PAK1: variants seen among roughly 807,000 people sequenced by gnomAD.
PAK1 encodes p21 (RAC1) activated kinase 1, also known as serine/threonine-protein kinase PAK 1.
In PAK1, 29 loss-of-function variants were observed where a neutral mutation model predicts 67.4. The ratio of observed to expected loss-of-function variants is 0.43; its 90% CI spans 0.32 to 0.59. The LOEUF is 0.59. Ranked by LOEUF, PAK1 falls within the 20% of genes least tolerant of loss-of-function variation. The probability of loss-of-function intolerance (pLI) is 0.07; values close to 1 mark genes in which losing one functional copy is unlikely to be tolerated. For synonymous variants in PAK1, 223 were observed against 237.4 expected, an observed-to-expected ratio of 0.94 and a Z score of 0.56; for missense variants, 337 against 670.7, an observed-to-expected ratio of 0.50 and a Z score of 5.50.
At chr11:77,331,720 G>A (rs1941572309) in intron 14 of PAK1, among the ~76,000 whole-genome samples, 1 of 150,908 alleles carries the variant, frequency 6.6e-6, no homozygotes, top group South Asian at 2.1e-4. Flanking sequence ...CACCAACATG[G>A]TACATGTATA....
the PAK1 span, among the ~76,000 whole-genome samples, chr11:77,513,398 G>A: frequency 6.6e-6 from 1 of 152,136 alleles, no homozygotes; most frequent in Non-Finnish European, 1.5e-5. Context: ...GCCAGGCATG[G>A]TGGCTCATGC....
intron 1 of PAK1, among the ~76,000 whole-genome samples, chr11:77,400,152 A>G (rs577558064): frequency 4.7e-4 from 71 of 152,290 alleles, no homozygotes; most frequent in Non-Finnish European, 9.1e-4. Context: ...GGCCCAAAGA[A>G]AAGAGACAAA....
Position 77,452,103 on chromosome 11 carries a change from G to A in PAK1, c.-22+21449C>T, listed in dbSNP as rs536471449. Among the ~76,000 whole-genome samples, 13 of 152,274 alleles carry A rather than the reference G, an allele frequency of 8.5e-5. No homozygotes were observed. In the South Asian group the frequency reaches 2.3e-3, roughly 27 times the overall value. On this transcript the variant is annotated intron_variant, in intron 1 of 14. Transcript: ENST00000356341. ...AAAATCACACAGTTAATAAGTGATGGAGCTAAAAATTCATAAGTAAATTGG... is the reference window on the plus strand; with the variant it reads ...AAAATCACACAGTTAATAAGTGATGAAGCTAAAAATTCATAAGTAAATTGG...
chr11:77,327,373 G>A (rs1425513771), intron 14 of PAK1, among the ~76,000 whole-genome samples: 1 of 152,208 alleles, frequency 6.6e-6, no homozygotes, highest in East Asian at 1.9e-4. Context: ...AATGTTAAGG[G>A]CAGCCAGAGA....
intron 1 of PAK1, among the ~76,000 whole-genome samples, chr11:77,409,723 T>G (rs1954216978): frequency 6.6e-6 from 1 of 151,872 alleles, no homozygotes. Flanking sequence ...CACTCATATG[T>G]AGGAGGTAAA....
At chr11:77,366,605 C>A (rs1243122598) in intron 5 of PAK1, among the ~76,000 whole-genome samples, 1 of 152,158 alleles carries the variant, frequency 6.6e-6, no homozygotes, top group African/African-American at 2.4e-5. Flanking sequence ...AAAAGATGCT[C>A]AACATCATTA....
intron 9 of PAK1, chr11:77,346,905 A>G (rs1470431346): frequency 9.6e-6 from 4 of 415,782 alleles, no homozygotes; most frequent in Non-Finnish European, 1.9e-5. Context: ...CATTCTCTCT[A>G]AAAACACACT....
chr11:77,329,702 C>G (rs980646293), intron 14 of PAK1, among the ~76,000 whole-genome samples: 2 of 151,876 alleles, frequency 1.3e-5, no homozygotes, highest in African/African-American at 4.8e-5. Flanking sequence ...AAACTGGAAG[C>G]ATTCCCTTTG....
the PAK1 span, among the ~76,000 whole-genome samples, chr11:77,519,281 A>G: frequency 6.6e-6 from 1 of 152,014 alleles, no homozygotes; most frequent in Non-Finnish European, 1.5e-5. Flanking sequence ...TTTTCATGCT[A>G]TTGATTTGTT....
Position 77,323,328 on chromosome 11 carries a change from G to A in PAK1, c.1584C>T (p.Ser528=). The change falls in exon 15 of 15, where the codon TCC becomes TCT. Residue 528 remains serine, a synonymous_variant. Transcript: ENST00000356341. ...HQFLKIAKPL[S]SLTPLIAAAK... is the part of the protein sequence containing the mutation. Reference sequence around the variant, plus strand: ...CTGCAGCAATCAGTGGAGTGAGGCTGGAGAGGGGCTTGGCAATCTTCAGGA... The same window carrying A: ...CTGCAGCAATCAGTGGAGTGAGGCTAGAGAGGGGCTTGGCAATCTTCAGGA... The A allele has an allele frequency of 6.2e-7, 1 of 1,613,564 alleles. No individual in the cohort carries two copies. Among genetic ancestry groups the A allele is most frequent in the Non-Finnish European group, 8.5e-7 (1 of 1,179,466 alleles).
chr11:77,442,831 A>AC (rs1956415445), intron 1 of PAK1, among the ~76,000 whole-genome samples: 1 of 152,084 alleles, frequency 6.6e-6, no homozygotes, highest in Non-Finnish European at 1.5e-5. Flanking sequence ...CCGAAATGAA[A>AC]CCCAAAGCCT....
At chr11:77,353,463 A>AC in intron 8 of PAK1, 73 bp downstream of exon 8, 3 of 1,148,714 alleles carry the variant, frequency 2.6e-6, no homozygotes, top group Non-Finnish European at 3.9e-6. Flanking sequence ...AGGCAAAAAA[A>AC]AAGCAAAATC....
the PAK1 span, among the ~76,000 whole-genome samples, chr11:77,496,975 C>T: frequency 6.6e-6 from 1 of 152,114 alleles, no homozygotes; most frequent in African/African-American, 2.4e-5. Context: ...GTGATTTGAA[C>T]CCAGAACCAG....
At chr11:77,484,988 C>A in the PAK1 span, among the ~76,000 whole-genome samples, 3 of 152,156 alleles carry the variant, frequency 2.0e-5, no homozygotes, top group East Asian at 3.9e-4. Context: ...CAGGAAAACT[C>A]CCCGTTATAA....
At chr11:77,421,362 T>C (rs914297430) in intron 1 of PAK1, among the ~76,000 whole-genome samples, 2 of 152,236 alleles carry the variant, frequency 1.3e-5, no homozygotes, top group Non-Finnish European at 2.9e-5. Flanking sequence ...GAAATATCAC[T>C]TTATCAGATA....
chr11:77,361,333 T>TA (rs1436360127), intron 5 of PAK1, among the ~76,000 whole-genome samples: 3 of 152,168 alleles, frequency 2.0e-5, no homozygotes, highest in African/African-American at 2.4e-5. Flanking sequence ...TGGAAGAAGT[T>TA]AAAGACTCTG....
Position 77,379,225 on chromosome 11 carries a change from GACGC to G in PAK1, c.439+12_439+15del. On this transcript the variant is annotated intron_variant, in intron 4 of 14. Coordinates refer to ENST00000356341, the MANE Select transcript of PAK1 (RefSeq NM_002576.5). ...ACCATCTCTTGCTGAGACTGCCCTGGACGCAGTTCTCATACCTGTAAAGCTCATG... is the reference window on the plus strand; with the variant it reads ...ACCATCTCTTGCTGAGACTGCCCTGGAGTTCTCATACCTGTAAAGCTCATG... The G allele has an allele frequency of 3.8e-6, 6 of 1,594,414 alleles. No individual in the cohort carries two copies. Among genetic ancestry groups the G allele is most frequent in the Non-Finnish European group, 5.1e-6 (6 of 1,168,350 alleles).
chr11:77,410,935 G>A (rs1954428734), intron 1 of PAK1, among the ~76,000 whole-genome samples: 1 of 152,160 alleles, frequency 6.6e-6, no homozygotes, highest in African/African-American at 2.4e-5. Context: ...AGGGGCTCCA[G>A]AGAAGAGAGT....
chr11:77,493,349 G>C, the PAK1 span, among the ~76,000 whole-genome samples: 1 of 146,392 alleles, frequency 6.8e-6, no homozygotes, highest in Non-Finnish European at 1.5e-5. Flanking sequence ...CGTGATCTTG[G>C]CTCACTACAA....
Sources: gnomAD v4.1 joint callset for allele counts (sites outside exome capture counted in the v4.1 genomes callset) on GRCh38, gnomAD v4.1.1 for gene constraint, MANE v1.5 for transcripts, NCBI Gene and HGNC (gene_info 2026-07-23, HGNC 2026-07-21) for gene names.